The following FGF12 variants were observed in gnomAD, a reference collection of about 807,000 sequenced individuals.
FGF12 encodes the protein fibroblast growth factor 12B.
In FGF12, 14 loss-of-function variants were observed where a neutral mutation model predicts 23.6. The ratio of observed to expected loss-of-function variants is 0.59; its 90% CI spans 0.39 to 0.93. The LOEUF is 0.93. Among genes scored for constraint, FGF12 ranks in the 40% least tolerant of loss-of-function variants. The probability of loss-of-function intolerance (pLI) is 0.00; values close to 1 mark genes in which losing one functional copy is unlikely to be tolerated. For missense variants in FGF12, 175 were observed against 217.8 expected (o/e 0.80, Z 1.24); for synonymous variants, 62 against 77.3 (o/e 0.80, Z 1.04).
At chr3:192,547,573 A>G (rs1177155653) in intron 2 of FGF12, among the ~76,000 whole-genome samples, 1 of 152,178 alleles carries the variant, frequency 6.6e-6, no homozygotes, top group African/African-American at 2.4e-5. Flanking sequence ...ACAAATCTCA[A>G]TATGTATACA....
At chr3:192,652,379 G>A (rs1235432276) in intron 2 of FGF12, among the ~76,000 whole-genome samples, 1 of 152,186 alleles carries the variant, frequency 6.6e-6, no homozygotes, top group Non-Finnish European at 1.5e-5. Context: ...AGAGTGCAAA[G>A]CTCACCCAGG....
chr3:192,329,578 T>C (rs1429078134), intron 4 of FGF12, among the ~76,000 whole-genome samples: 2 of 152,156 alleles, frequency 1.3e-5, no homozygotes, highest in Non-Finnish European at 2.9e-5. Context: ...CAGAGGATGG[T>C]CGAGGGCTTA....
chr3:192,188,550 A>C (rs1438542205), intron 4 of FGF12, among the ~76,000 whole-genome samples: 1 of 152,204 alleles, frequency 6.6e-6, no homozygotes, highest in Non-Finnish European at 1.5e-5. Context: ...GTTGAGAAAT[A>C]AGCTTCGATA....
At chr3:192,326,875 T>C (rs919828638) in intron 4 of FGF12, among the ~76,000 whole-genome samples, 2 of 152,334 alleles carry the variant, frequency 1.3e-5, no homozygotes, top group Admixed American at 6.5e-5. Flanking sequence ...ACATGACTTC[T>C]CTGTTTCCCA....
intron 2 of FGF12, among the ~76,000 whole-genome samples, chr3:192,522,192 C>T (rs1408294429): frequency 1.7e-5 from 2 of 115,162 alleles, no homozygotes; most frequent in East Asian, 2.5e-4. Flanking sequence ...AGCGAGACTC[C>T]GTCTCAAAAA....
intron 2 of FGF12, among the ~76,000 whole-genome samples, chr3:192,447,214 T>C (rs1019624370): frequency 6.6e-6 from 1 of 152,148 alleles, no homozygotes; most frequent in African/African-American, 2.4e-5. Context: ...GAAAACTGTT[T>C]AATGAATTAA....
rs776693881 is a variant in FGF12 at position 192,298,746 on chromosome 3, GA to G, written c.228+36614del. Among the ~76,000 whole-genome samples, 66 of 147,662 alleles carry G rather than the reference GA, an allele frequency of 4.5e-4. No individual in the cohort carries two copies. The East Asian group carries it at 5.3e-3, about 12-fold the overall frequency. ...GTGACAAGCAAGTCTCTGTCTCAAA[GA>G]AAAAAAAAAGAGGTTTATTTTACTG... is the stretch of plus-strand genomic sequence containing the variant. On this transcript the variant is annotated intron_variant, in intron 4 of 5. Coordinates refer to ENST00000445105, the MANE Select transcript of FGF12 (RefSeq NM_004113.6).
At chr3:192,519,540 AT>A (rs200986426) in intron 2 of FGF12, among the ~76,000 whole-genome samples, 5 of 152,038 alleles carry the variant, frequency 3.3e-5, no homozygotes, top group Non-Finnish European at 5.9e-5. Flanking sequence ...GTAAAGTTAC[AT>A]TTTTTTCATT....
chr3:192,178,643 C>T (rs1235950879), intron 4 of FGF12, among the ~76,000 whole-genome samples: 4 of 152,096 alleles, frequency 2.6e-5, no homozygotes, highest in African/African-American at 4.8e-5. Context: ...AGATTACAGG[C>T]GCCTGCCACC....
intron 4 of FGF12, among the ~76,000 whole-genome samples, chr3:192,220,653 A>G (rs1718421662): frequency 1.3e-5 from 2 of 152,204 alleles, no homozygotes; most frequent in Non-Finnish European, 1.5e-5. Context: ...GTTACGAACT[A>G]TCATCCATCT....
At chr3:192,607,846 T>TTAAAAAA (rs1387207806) in intron 2 of FGF12, among the ~76,000 whole-genome samples, 1 of 122,078 alleles carries the variant, frequency 8.2e-6, no homozygotes, top group African/African-American at 3.2e-5. Context: ...CACTGAAAAT[T>TTAAAAAA]AAAAAAAAAA....
chr3:192,687,830 C>T (rs367978781), intron 2 of FGF12, among the ~76,000 whole-genome samples: 1 of 152,204 alleles, frequency 6.6e-6, no homozygotes, highest in African/African-American at 2.4e-5. Flanking sequence ...CAACCCGCAG[C>T]TGACACCTGC....
At chr3:192,234,912 G>A (rs1239849442) in intron 4 of FGF12, among the ~76,000 whole-genome samples, 1 of 152,142 alleles carries the variant, frequency 6.6e-6, no homozygotes. Context: ...TGGTGGATTA[G>A]CTGTTTCATG....
intron 4 of FGF12, among the ~76,000 whole-genome samples, chr3:192,214,749 A>C (rs765056035): frequency 4.1e-4 from 63 of 152,370 alleles, no homozygotes; most frequent in Non-Finnish European, 8.1e-4. Flanking sequence ...CTTAAATATC[A>C]ACATTAGGAT....
intron 2 of FGF12, among the ~76,000 whole-genome samples, chr3:192,584,680 C>A (rs964135192): frequency 4.6e-5 from 7 of 152,168 alleles, no homozygotes; most frequent in African/African-American, 1.7e-4. Context: ...TGTCTCCTAC[C>A]TTTCCGGATT....
At chr3:192,577,235 T>G (rs1424330508) in intron 2 of FGF12, among the ~76,000 whole-genome samples, 1 of 152,216 alleles carries the variant, frequency 6.6e-6, no homozygotes, top group Non-Finnish European at 1.5e-5. Context: ...ATACTAATGG[T>G]AGCCATGCTC....
intron 2 of FGF12, among the ~76,000 whole-genome samples, chr3:192,513,749 G>C (rs1270855149): frequency 6.6e-6 from 1 of 152,202 alleles, no homozygotes; most frequent in Non-Finnish European, 1.5e-5. Context: ...CACTTGTCTA[G>C]ATGTATTAGG....
intron 2 of FGF12, among the ~76,000 whole-genome samples, chr3:192,650,246 A>G (rs950796799): frequency 3.9e-5 from 6 of 152,218 alleles, no homozygotes; most frequent in African/African-American, 1.4e-4. Context: ...CCTTCCAGGA[A>G]CTTGTCCTTA....
intron 2 of FGF12, among the ~76,000 whole-genome samples, chr3:192,457,780 G>A (rs1722725670): frequency 1.3e-5 from 2 of 152,214 alleles, no homozygotes; most frequent in South Asian, 4.1e-4. Flanking sequence ...GTAGCAAGGA[G>A]CCTAATGTTA....
Sources: gnomAD v4.1 joint callset for allele counts (sites outside exome capture counted in the v4.1 genomes callset) on GRCh38, gnomAD v4.1.1 for gene constraint, MANE v1.5 for transcripts, NCBI Gene and HGNC (gene_info 2026-07-23, HGNC 2026-07-21) for gene names.